Variants in POLR2C observed in about 807,000 individuals in gnomAD.
POLR2C encodes the protein DNA-directed RNA polymerase II subunit RPB3.
Under a neutral mutation model 41.7 loss-of-function variants are expected in POLR2C, and 36 were observed. The ratio of observed to expected loss-of-function variants is 0.86; its 90% CI spans 0.66 to 1.14. POLR2C has a LOEUF of 1.14. Among genes scored for constraint, POLR2C ranks in the 50% most tolerant of loss-of-function variants. The probability of loss-of-function intolerance (pLI) is 0.00; values close to 1 mark genes in which losing one functional copy is unlikely to be tolerated. For missense variants in POLR2C, 260 were observed against 350.4 expected (o/e 0.74, Z 2.06); for synonymous variants, 133 against 137.8 (o/e 0.96, Z 0.25).
At chr16:57,470,764 T>G (rs1245028932) in intron 8 of POLR2C, among the ~76,000 whole-genome samples, 1 of 152,222 alleles carries the variant, frequency 6.6e-6, no homozygotes, top group African/African-American at 2.4e-5. Flanking sequence ...AGGTACCTTA[T>G]GAGGTAGTTG....
chr16:57,469,420 G>C lies in POLR2C; in HGVS notation c.387+127G>C, dbSNP rs1192750232. ...TCCCTGTTACCCTCTGCCTTAATCT[G>C]ATCCCTAGAAGTGCTAATTCTGGAT... is the stretch of plus-strand genomic sequence containing the variant. On this transcript the variant is annotated intron_variant, in intron 5 of 8. Transcript: ENST00000219252. The surrounding 1 kb of genome is among the most constrained non-coding windows in gnomAD (Gnocchi z 5.8). 2 of 1,059,054 alleles carry C rather than the reference G, an allele frequency of 1.9e-6. No homozygotes were observed. The highest frequency in any genetic ancestry group is 4.9e-5 in the East Asian group (2 of 40,614). The allele number at this position is 1,059,054 out of a possible 1,614,324, so 65.6% of individuals were successfully genotyped here. A position where few individuals can be genotyped will look rare whatever the true frequency, so the allele number is the denominator to read the frequency against.
chr16:57,462,993 C>T, intron 1 of POLR2C, 36 bp from the exon 2 acceptor site: 1 of 1,593,364 alleles, frequency 6.3e-7, no homozygotes, highest in Non-Finnish European at 8.6e-7. Context: ...GTCGAGGCTG[C>T]AGCGCCTTCA....
At chr16:57,470,853 C>A in intron 8 of POLR2C, 122 bp from the exon 9 acceptor site, 1 of 922,724 alleles carries the variant, frequency 1.1e-6, no homozygotes, top group South Asian at 1.6e-5. Flanking sequence ...TTAGCCCTGG[C>A]CCAAGGTCAA....
Position 57,469,668 on chromosome 16 carries a change from G to C in POLR2C, c.388-42G>C, listed in dbSNP as rs774581336. ...ATATGGATGCCAGAGGAGGTGACTG[G>C]GGAGGTGAGCAGCTAATGAATGCCT... is the stretch of plus-strand genomic sequence containing the variant. On this transcript the variant is annotated intron_variant, in intron 5 of 8. Coordinates refer to ENST00000219252, the MANE Select transcript of POLR2C (RefSeq NM_032940.3). This position sits in a 1 kb window ranked among gnomAD's most constrained non-coding sequence, Gnocchi z 5.8. The C allele has an allele frequency of 1.9e-6, 3 of 1,538,998 alleles. No individual in the cohort carries two copies. Among genetic ancestry groups the C allele is most frequent in the Non-Finnish European group, 2.7e-6 (3 of 1,112,818 alleles).
rs1349473546 is a variant in POLR2C, at chr16:57,471,762, T to TGGGGGTGGGGGG, written c.*645_*646insGGGTGGGGGGGG. 1 of 126,898 alleles carries TGGGGGTGGGGGG rather than the reference T, an allele frequency of 7.9e-6. No homozygotes were observed. Among genetic ancestry groups the TGGGGGTGGGGGG allele is most frequent in the Admixed American group, 7.7e-5 (1 of 13,020 alleles). The allele number at this position is 126,898 out of a possible 1,614,324, so 7.9% of individuals were successfully genotyped here. ...GTGGGGGTGGGGGTGGGGGTGGGGGTGGAAGCAGCCGCAGGAGCAAGGGCC... is the reference window on the plus strand; with the variant it reads ...GTGGGGGTGGGGGTGGGGGTGGGGGTGGGGGTGGGGGGGGAAGCAGCCGCAGGAGCAAGGGCC... On this transcript the variant is annotated 3_prime_UTR_variant, in exon 9 of 9. Coordinates refer to ENST00000219252, the MANE Select transcript of POLR2C (RefSeq NM_032940.3).
rs1235016292 is a variant in POLR2C, at chr16:57,469,142, T to G, written c.259-23T>G. 6.2e-7 allele frequency: 1 copy of G among 1,606,774 alleles called. No individual in the cohort carries two copies. The highest frequency in any genetic ancestry group is 2.2e-5 in the East Asian group (1 of 44,670). On this transcript the variant is annotated intron_variant, in intron 4 of 8. Transcript: ENST00000219252. The surrounding 1 kb of genome is among the most constrained non-coding windows in gnomAD (Gnocchi z 5.8). ...GAGTTGCCATCTCCCTTTGACTCAT[T>G]CCTGCTTCCCTTCCTGCCTTAGGAC... is the stretch of plus-strand genomic sequence containing the variant.
chr16:57,463,457 G>C, intron 2 of POLR2C: 1 of 378,672 alleles, frequency 2.6e-6, no homozygotes, highest in Non-Finnish European at 5.1e-6. Flanking sequence ...GCGTGATGCT[G>C]AGATTTGGGG....
intron 2 of POLR2C, 56 bp downstream of exon 2, chr16:57,463,134 C>A: frequency 7.5e-7 from 1 of 1,342,192 alleles, no homozygotes; most frequent in Non-Finnish European, 1.1e-6. Context: ...CCGCTCTCCA[C>A]CCACACACTC....
chr16:57,462,963 C>G (rs2030611754), intron 1 of POLR2C, 66 bp from the exon 2 acceptor site: 1 of 1,478,312 alleles, frequency 6.8e-7, no homozygotes, highest in Non-Finnish European at 9.4e-7. Context: ...CTTTGGGAGC[C>G]TGCGGCGCGG....
Position 57,469,489 on chromosome 16 carries a change from A to G in POLR2C, c.387+196A>G, listed in dbSNP as rs746491100. On this transcript the variant is annotated intron_variant, in intron 5 of 8. Transcript: ENST00000219252. The surrounding 1 kb of genome is among the most constrained non-coding windows in gnomAD (Gnocchi z 5.8). ...GCATCGTTGGTGCTGCGCACCCTCT[A>G]TCACCCAGGGACTCTTTTAAAGGCC... is the stretch of plus-strand genomic sequence containing the variant. 63 of 727,122 alleles carry G rather than the reference A, an allele frequency of 8.7e-5. 1 individual carries two copies. The highest frequency in any genetic ancestry group is 1.3e-4 in the Non-Finnish European group (56 of 418,282). 45.0% of individuals were successfully genotyped at this position (727,122 alleles called of 1,614,324 possible). A position where few individuals can be genotyped will look rare whatever the true frequency, so the allele number is the denominator to read the frequency against.
At position 57,471,028 on chromosome 16, in the gene POLR2C, T is replaced by G. The variant is rs1346549354; in HGVS notation, c.737T>G (p.Leu246Arg). The G allele has an allele frequency of 6.2e-7, 1 of 1,613,702 alleles. No individual in the cohort carries two copies. Among genetic ancestry groups the G allele is most frequent in the Non-Finnish European group, 8.5e-7 (1 of 1,179,566 alleles). The part of the protein sequence containing the change: ...CGSLRPETIV[L>R]SALSGLKKKL... ...TCTCTGCGTCCTGAAACCATTGTCCTGTCAGCCCTCTCAGGATTGAAGAAG... is the reference window on the plus strand; with the variant it reads ...TCTCTGCGTCCTGAAACCATTGTCCGGTCAGCCCTCTCAGGATTGAAGAAG... The change falls in exon 9 of 9, where the codon CTG becomes CGG. Residue 246 changes from leucine to arginine, a missense_variant. Transcript: ENST00000219252.
Position 57,466,098 on chromosome 16 carries a change from AC to A in POLR2C, c.206-72del, listed in dbSNP as rs1346334476. On this transcript the variant is annotated intron_variant, in intron 3 of 8. Transcript: ENST00000219252. ...CAGGAGGGGGCCTCCTTCCAGCCTC[AC>A]CCCCAGAAGGCTTCTGGGTTCTCAT... is the stretch of plus-strand genomic sequence containing the variant. The A allele has an allele frequency of 7.7e-6, 11 of 1,425,852 alleles. No individual in the cohort carries two copies. The Admixed American group carries it at 8.4e-5, about 11-fold the overall frequency. The allele number at this position is 1,425,852 out of a possible 1,614,324, so 88.3% of individuals were successfully genotyped here. A position where few individuals can be genotyped will look rare whatever the true frequency, so the allele number is the denominator to read the frequency against.
intron 1 of POLR2C, 106 bp from the exon 2 acceptor site, chr16:57,462,923 C>A: frequency 8.1e-7 from 1 of 1,239,538 alleles, no homozygotes; most frequent in Non-Finnish European, 1.2e-6. Context: ...GATGTCCTTC[C>A]AGAGCTGCCC....
Position 57,471,169 on chromosome 16 carries a change from AT to A in POLR2C, c.*51del, listed in dbSNP as rs1247189029. The A allele has an allele frequency of 1.3e-6, 2 of 1,531,768 alleles. No individual in the cohort carries two copies. Among genetic ancestry groups the A allele is most frequent in the Non-Finnish European group, 1.8e-6 (2 of 1,107,136 alleles). The allele number at this position is 1,531,768 out of a possible 1,614,324, so 94.9% of individuals were successfully genotyped here. ...AACGGAGATTCAGGCCAGCAGCTGGATATGGGGGTCTCTCTTCAGACTCTTC... is the reference window on the plus strand; with the variant it reads ...AACGGAGATTCAGGCCAGCAGCTGGAATGGGGGTCTCTCTTCAGACTCTTC... On this transcript the variant is annotated 3_prime_UTR_variant, in exon 9 of 9. Transcript: ENST00000219252.
rs1180885861 is a variant in POLR2C, at chr16:57,464,669, C to A, written c.137-1284C>A. On this transcript the variant is annotated intron_variant, in intron 2 of 8. Coordinates refer to ENST00000219252, the MANE Select transcript of POLR2C (RefSeq NM_032940.3). The stretch of plus-strand genomic sequence containing the variant: ...TCCACTACCACCACCACCCCACCCC[C>A]CCGCCCCCCAGTCACTTCTTAAATT... 3.1e-5 allele frequency among the ~76,000 whole-genome samples: 4 copies of A among 128,536 alleles called. No homozygotes were observed. In the South Asian group the frequency reaches 9.8e-4, roughly 31 times the overall value. The allele number at this position is 128,536 out of a possible 152,430, so 84.3% of individuals were successfully genotyped here.
chr16:57,465,065 A>G (rs1211371906), intron 2 of POLR2C, among the ~76,000 whole-genome samples: 1 of 152,166 alleles, frequency 6.6e-6, no homozygotes, highest in African/African-American at 2.4e-5. Context: ...CTTAGTTTTC[A>G]GGAGGCACAG....
chr16:57,469,656 A>AG lies in POLR2C; in HGVS notation c.388-52dup. 7.0e-7 allele frequency: 1 copy of AG among 1,421,864 alleles called. No individual in the cohort carries two copies. The highest frequency in any genetic ancestry group is 1.0e-6 in the Non-Finnish European group (1 of 1,004,692). 88.1% of individuals were successfully genotyped at this position (1,421,864 alleles called of 1,614,324 possible). A position where few individuals can be genotyped will look rare whatever the true frequency, so the allele number is the denominator to read the frequency against. On this transcript the variant is annotated intron_variant, in intron 5 of 8. Coordinates refer to ENST00000219252, the MANE Select transcript of POLR2C (RefSeq NM_032940.3). The surrounding 1 kb of genome is among the most constrained non-coding windows in gnomAD (Gnocchi z 5.8). ...AGAGGTGCTGGGATATGGATGCCAG[A>AG]GGAGGTGACTGGGGAGGTGAGCAGC...
chr16:57,468,008 T>G (rs1163378404), intron 4 of POLR2C, among the ~76,000 whole-genome samples: 1 of 152,108 alleles, frequency 6.6e-6, no homozygotes, highest in Non-Finnish European at 1.5e-5. Flanking sequence ...CATTTCATAT[T>G]TCTTTATTTT....
Position 57,462,814 on chromosome 16 carries a change from A to G in POLR2C, c.86+4A>G. On this transcript the variant is annotated splice_donor_region_variant and intron_variant, in intron 1 of 8. Transcript: ENST00000219252. The stretch of plus-strand genomic sequence containing the variant: ...TCATCGAGAACACCGACCTGGCGTA[A>G]GGCTACCGAGGGAAGAGGCTGGCGG... The G allele has an allele frequency of 6.3e-7, 1 of 1,584,808 alleles. No individual in the cohort carries two copies. Among genetic ancestry groups the G allele is most frequent in the Non-Finnish European group, 8.6e-7 (1 of 1,165,190 alleles).
Sources: gnomAD v4.1 joint callset for allele counts (sites outside exome capture counted in the v4.1 genomes callset) on GRCh38, gnomAD v4.1.1 for gene constraint, Gnocchi (gnomAD v3.1) non-coding constraint, MANE v1.5 for transcripts, NCBI Gene and HGNC (gene_info 2026-07-23, HGNC 2026-07-21) for gene names.